TMEM74: variants seen among roughly 807,000 people sequenced by gnomAD.
TMEM74 encodes the protein transmembrane protein 74.
Under a neutral mutation model 18.1 loss-of-function variants are expected in TMEM74, and 13 were observed. The observed-to-expected ratio is 0.72, with a 90% CI of 0.47 to 1.14. The LOEUF is 1.14. TMEM74 is among the 50% of genes most tolerant of loss of function. The pLI is 0.00. For missense variants in TMEM74, 372 were observed against 375.9 expected (o/e 0.99, Z 0.09); for synonymous variants, 159 against 146.6 (o/e 1.08, Z -0.61).
At chr8:108,608,567 C>G (rs921152829) in intron 3 of TMEM74, among the ~76,000 whole-genome samples, 10 of 152,116 alleles carry the variant, frequency 6.6e-5, no homozygotes, top group African/African-American at 2.2e-4. Context: ...AATAGAATTG[C>G]TCCTGCTGGT....
At chr8:108,649,671 A>C (rs1255973198) in intron 2 of TMEM74, among the ~76,000 whole-genome samples, 1 of 152,148 alleles carries the variant, frequency 6.6e-6, no homozygotes, top group Non-Finnish European at 1.5e-5. Context: ...AGCCAGTAGC[A>C]CCAGGTATCT....
rs1379657225 is a variant in TMEM74, at chr8:108,759,315, T to C, written n.119+28161A>G. Among the ~76,000 whole-genome samples the C allele has an allele frequency of 3.3e-5, 5 of 152,152 alleles. No individual in the cohort carries two copies. In the South Asian group the frequency reaches 8.3e-4, roughly 25 times the overall value. Reference sequence around the variant, plus strand: ...CTATTGGTGGAAGGGTAAATTCCAATGTCTTTGGAAGGCAATTTGACAGTA... The same window carrying C: ...CTATTGGTGGAAGGGTAAATTCCAACGTCTTTGGAAGGCAATTTGACAGTA... On this transcript the variant is annotated intron_variant and non_coding_transcript_variant, in intron 1 of 3. Coordinates refer to the TMEM74 transcript ENST00000518838.
rs1038292679 is a variant in TMEM74, at chr8:108,782,490, C to G, written c.*1691G>C. ...CTCTTTTTACTATCTTCTGAGCCTC[C>G]CTTTTTGTATTTCAGTTCAACCCTT... On this transcript the variant is annotated 3_prime_UTR_variant, in exon 2 of 2. Coordinates refer to ENST00000297459, the MANE Select transcript of TMEM74 (RefSeq NM_153015.3). Among the ~76,000 whole-genome samples, 20 of 152,054 alleles carry G rather than the reference C, an allele frequency of 1.3e-4. No individual in the cohort carries two copies. The highest frequency in any genetic ancestry group is 3.3e-4 in the Admixed American group (5 of 15,254).
At chr8:108,636,854 C>T (rs567387971) in intron 2 of TMEM74, among the ~76,000 whole-genome samples, 1 of 152,046 alleles carries the variant, frequency 6.6e-6, no homozygotes, top group Non-Finnish European at 1.5e-5. Context: ...GCCATAACAC[C>T]AGGGAATGGG....
At chr8:108,700,956 A>G (rs1813329716) in intron 1 of TMEM74, among the ~76,000 whole-genome samples, 1 of 152,178 alleles carries the variant, frequency 6.6e-6, no homozygotes, top group South Asian at 2.1e-4. Context: ...AGAAAAAGGA[A>G]ATAGATGCAT....
chr8:108,705,137 G>A (rs1474011830), intron 1 of TMEM74, among the ~76,000 whole-genome samples: 1 of 151,910 alleles, frequency 6.6e-6, no homozygotes, highest in Non-Finnish European at 1.5e-5. Flanking sequence ...TTAGTCCCAC[G>A]GTTTGTAAAA....
At chr8:108,633,792 C>G (rs1812578795) in intron 2 of TMEM74, among the ~76,000 whole-genome samples, 1 of 152,008 alleles carries the variant, frequency 6.6e-6, no homozygotes, top group Non-Finnish European at 1.5e-5. Context: ...TGCCTTGTTT[C>G]AGTGGTGACC....
chr8:108,610,351 C>T (rs1187023440), intron 2 of TMEM74, among the ~76,000 whole-genome samples: 3 of 152,074 alleles, frequency 2.0e-5, no homozygotes, highest in African/African-American at 7.2e-5. Context: ...AGAAATGCAT[C>T]TGTTCATTCA....
At chr8:108,638,997 A>AGG (rs1464307894) in intron 2 of TMEM74, among the ~76,000 whole-genome samples, 2 of 152,150 alleles carry the variant, frequency 1.3e-5, no homozygotes, top group Admixed American at 6.6e-5. Context: ...CCACCAGTGA[A>AGG]CAGGCCATCA....
At chr8:108,678,916 G>C (rs1813084403) in intron 1 of TMEM74, among the ~76,000 whole-genome samples, 1 of 95,180 alleles carries the variant, frequency 1.1e-5, no homozygotes, top group Admixed American at 1.6e-4. Context: ...CCCCACAACA[G>C]TACCCGGAGT....
chr8:108,713,713 C>T (rs775930571), intron 1 of TMEM74, among the ~76,000 whole-genome samples: 4 of 152,172 alleles, frequency 2.6e-5, no homozygotes, highest in Non-Finnish European at 4.4e-5. Context: ...ATAGGATATA[C>T]ATGATATATG....
At chr8:108,668,204 T>C (rs760740668) in intron 1 of TMEM74, among the ~76,000 whole-genome samples, 1 of 152,186 alleles carries the variant, frequency 6.6e-6, no homozygotes, top group Non-Finnish European at 1.5e-5. Context: ...ATAAATTTAA[T>C]AAGTGATTTT....
At chr8:108,766,621 G>A (rs891224416) in intron 1 of TMEM74, among the ~76,000 whole-genome samples, 1 of 151,794 alleles carries the variant, frequency 6.6e-6, no homozygotes, top group Non-Finnish European at 1.5e-5. Flanking sequence ...GTTCTCTAGT[G>A]GGAAGAACAA....
At chr8:108,778,378 CT>C (rs1814258434), downstream of TMEM74, among the ~76,000 whole-genome samples, 1 of 152,198 alleles carries the variant, frequency 6.6e-6, no homozygotes, top group Non-Finnish European at 1.5e-5. Context: ...CTGCATCAGA[CT>C]GGGTCCCCTT....
At chr8:108,775,898 T>C (rs1814228487), downstream of TMEM74, among the ~76,000 whole-genome samples, 1 of 152,216 alleles carries the variant, frequency 6.6e-6, no homozygotes, top group Non-Finnish European at 1.5e-5. Context: ...CATCACTGAT[T>C]ATGCCATTTC....
intron 1 of TMEM74, among the ~76,000 whole-genome samples, chr8:108,691,909 T>C (rs1386036245): frequency 2.0e-5 from 3 of 151,988 alleles, no homozygotes; most frequent in Non-Finnish European, 1.5e-5. Flanking sequence ...AATATGTTGA[T>C]TCTGGGCAAC....
At chr8:108,617,664 C>A (rs958591267) in intron 2 of TMEM74, among the ~76,000 whole-genome samples, 4 of 151,750 alleles carry the variant, frequency 2.6e-5, no homozygotes, top group Non-Finnish European at 4.4e-5. Flanking sequence ...ACAGGAAGAA[C>A]CCAGACCCCA....
chr8:108,737,453 G>A (rs1333906797), intron 1 of TMEM74, among the ~76,000 whole-genome samples: 1 of 152,050 alleles, frequency 6.6e-6, no homozygotes, highest in Non-Finnish European at 1.5e-5. Context: ...TTTGGATCTG[G>A]TTCATGCATT....
chr8:108,651,563 T>C (rs953042685), intron 2 of TMEM74, among the ~76,000 whole-genome samples: 2 of 151,934 alleles, frequency 1.3e-5, no homozygotes, highest in Non-Finnish European at 2.9e-5. Flanking sequence ...TTAAAAAATA[T>C]CTGGAAATTA....
Sources: gnomAD v4.1 joint callset for allele counts (sites outside exome capture counted in the v4.1 genomes callset) on GRCh38, gnomAD v4.1.1 for gene constraint, MANE v1.5 for transcripts, NCBI Gene and HGNC (gene_info 2026-07-23, HGNC 2026-07-21) for gene names.